Variants in NATD1 observed in about 807,000 individuals in gnomAD.
The protein encoded by NATD1 is N-acetyltransferase domain containing 1.
NATD1 carries 9 observed loss-of-function variants against 12.0 expected under a neutral mutation model. That is an observed-to-expected ratio of 0.75 (90% CI 0.45 to 1.30). The LOEUF (loss-of-function observed/expected upper bound fraction) is 1.30, where lower values mean the gene tolerates loss of function less well. NATD1 is among the 50% of genes most tolerant of loss of function. The pLI is 0.00. For missense variants in NATD1, 148 were observed against 148.5 expected (o/e 1.00, Z 0.02); for synonymous variants, 71 against 65.9 (o/e 1.08, Z -0.37).
At position 21,253,272 on chromosome 17, in the gene NATD1, C is replaced by T. The variant is rs1975397067; in HGVS notation, c.-8G>A. The stretch of plus-strand genomic sequence containing the variant: ...GGCAGCCGAGTGCGCCATCTGCGCG[C>T]GGGGCTGCGGCGCGGCGCCGGCGGG... On this transcript the variant is annotated 5_prime_UTR_variant, in exon 1 of 3. Transcript: ENST00000611551. The T allele has an allele frequency of 2.0e-6, 2 of 987,296 alleles. No individual in the cohort carries two copies. The highest frequency in any genetic ancestry group is 2.4e-6 in the Non-Finnish European group (2 of 831,860). The allele number at this position is 987,296 out of a possible 1,614,324, so 61.2% of individuals were successfully genotyped here.
Position 21,244,267 on chromosome 17 carries a change from C to T in NATD1, c.107-43G>A, listed in dbSNP as rs1975306578. 1 of 1,549,300 alleles carries T rather than the reference C, an allele frequency of 6.5e-7. No homozygotes were observed. ...AGGTAAGCCTATGCTGACTCCCATC[C>T]CAGCGGACTCAGGCACCAAGACGGG... is the stretch of plus-strand genomic sequence containing the variant. On this transcript the variant is annotated intron_variant, in intron 1 of 2. Transcript: ENST00000611551. The surrounding 1 kb of genome is among the most constrained non-coding windows in gnomAD (Gnocchi z 5.2).
intron 2 of NATD1, among the ~76,000 whole-genome samples, chr17:21,243,764 C>G (rs537873930): frequency 6.6e-6 from 1 of 152,140 alleles, no homozygotes; most frequent in Non-Finnish European, 1.5e-5. Context: ...AGGGGAGTGA[C>G]GGTCATTCTT....
chr17:21,253,048 G>T, intron 1 of NATD1, 111 bp downstream of exon 1: 2 of 471,970 alleles, frequency 4.2e-6, no homozygotes, highest in Non-Finnish European at 5.5e-6. Context: ...CGGGCGGCGG[G>T]CCGGAGCCGG....
At chr17:21,248,755 G>C (rs116147884) in intron 1 of NATD1, among the ~76,000 whole-genome samples, 2,163 of 152,248 alleles carry the variant, frequency 0.014, 55 homozygotes, top group African/African-American at 0.049. Flanking sequence ...ACTAGCACAG[G>C]GGGGCAAGAC....
chr17:21,248,937 C>A (rs1975351480), intron 1 of NATD1, among the ~76,000 whole-genome samples: 1 of 152,130 alleles, frequency 6.6e-6, no homozygotes, highest in African/African-American at 2.4e-5. Context: ...GAGAACCCCA[C>A]CAGCATCACG....
rs1298984959 is a variant in NATD1, at chr17:21,240,748, C to G, written c.*2565G>C. 1 of 152,494 alleles carries G rather than the reference C, an allele frequency of 6.6e-6. No homozygotes were observed. The highest frequency in any genetic ancestry group is 2.4e-5 in the African/African-American group (1 of 41,162). The allele number at this position is 152,494 out of a possible 1,614,324, so 9.4% of individuals were successfully genotyped here. ...CGGCCCCATGTGGCGGCATCCTTAC[C>G]AAGGACCCCCAGGTGACCGGACAGG... On this transcript the variant is annotated 3_prime_UTR_variant, in exon 3 of 3. Coordinates refer to ENST00000611551, the MANE Select transcript of NATD1 (RefSeq NM_152914.3).
At chr17:21,252,867 G>A (rs1166320210) in intron 1 of NATD1, among the ~76,000 whole-genome samples, 3 of 151,916 alleles carry the variant, frequency 2.0e-5, no homozygotes, top group Admixed American at 6.5e-5. Flanking sequence ...CTTTCCAGGG[G>A]CCCCTGTCCG....
In NATD1 at chr17:21,241,663, G is replaced by A. The variant is rs972754067; in HGVS notation, c.*1650C>T. The A allele has an allele frequency of 2.0e-5, 3 of 152,384 alleles. No individual in the cohort carries two copies. Among genetic ancestry groups the A allele is most frequent in the African/African-American group, 7.2e-5 (3 of 41,422 alleles). 9.4% of individuals were successfully genotyped at this position (152,384 alleles called of 1,614,324 possible). A position where few individuals can be genotyped will look rare whatever the true frequency, so the allele number is the denominator to read the frequency against. On this transcript the variant is annotated 3_prime_UTR_variant, in exon 3 of 3. Transcript: ENST00000611551. The stretch of plus-strand genomic sequence containing the variant: ...CACAGGTCAAGGGGCAGGGATGTCG[G>A]GGGTACTCAGGATGGTGACCCCTCC...
rs1975397573 is a variant in NATD1 at position 21,253,303 on chromosome 17, G to A, written c.-39C>T. The A allele has an allele frequency of 1.1e-6, 1 of 897,450 alleles. No homozygotes were observed. Among genetic ancestry groups the A allele is most frequent in the African/African-American group, 1.8e-5 (1 of 54,976 alleles). 55.6% of individuals were successfully genotyped at this position (897,450 alleles called of 1,614,324 possible). ...TGCGGCGCGGCGCCGGCGGGGGCCG[G>A]GGCGCGCGGGGAAAGGTCAGGCGCG... On this transcript the variant is annotated 5_prime_UTR_variant, in exon 1 of 3. Coordinates refer to ENST00000611551, the MANE Select transcript of NATD1 (RefSeq NM_152914.3).
rs528118268 is a variant in NATD1, at chr17:21,242,201, C to A, written c.*1112G>T. ...GGACCTGAGTCAGCCCCAGGGGAAG[C>A]CAGCATGCCCTGGAAAGGCTGGTCC... On this transcript the variant is annotated 3_prime_UTR_variant, in exon 3 of 3. Coordinates refer to ENST00000611551, the MANE Select transcript of NATD1 (RefSeq NM_152914.3). The A allele has an allele frequency of 2.0e-4, 31 of 152,438 alleles. No individual in the cohort carries two copies. Among genetic ancestry groups the A allele is most frequent in the African/African-American group, 7.2e-4 (30 of 41,578 alleles). 9.4% of individuals were successfully genotyped at this position (152,438 alleles called of 1,614,324 possible). A position where few individuals can be genotyped will look rare whatever the true frequency, so the allele number is the denominator to read the frequency against.
intron 1 of NATD1, among the ~76,000 whole-genome samples, chr17:21,246,062 C>A (rs1411024997): frequency 3.9e-5 from 6 of 152,318 alleles, no homozygotes; most frequent in African/African-American, 1.4e-4. Context: ...AGCTGCCTAC[C>A]TAGCCTGGCC....
chr17:21,247,131 T>C (rs532755937), intron 1 of NATD1, among the ~76,000 whole-genome samples: 2 of 152,350 alleles, frequency 1.3e-5, no homozygotes, highest in East Asian at 3.9e-4. Context: ...GGGCCATGGA[T>C]GGACCTGACC....
intron 1 of NATD1, among the ~76,000 whole-genome samples, chr17:21,250,041 G>A (rs1267016016): frequency 6.6e-6 from 1 of 152,198 alleles, no homozygotes; most frequent in Non-Finnish European, 1.5e-5. Flanking sequence ...CCACCTCCCT[G>A]CTCTGTCCTG....
intron 1 of NATD1, among the ~76,000 whole-genome samples, chr17:21,252,759 A>G (rs1378017854): frequency 1.3e-5 from 2 of 151,866 alleles, no homozygotes; most frequent in Admixed American, 6.6e-5. Context: ...AGGAGCCTTC[A>G]GTGGGTGCCC....
intron 1 of NATD1, among the ~76,000 whole-genome samples, chr17:21,252,223 T>C (rs976833193): frequency 6.6e-6 from 1 of 152,088 alleles, no homozygotes; most frequent in Non-Finnish European, 1.5e-5. Flanking sequence ...GAGAATCACT[T>C]GAACCCAGGA....
At chr17:21,251,982 G>A (rs185939797) in intron 1 of NATD1, among the ~76,000 whole-genome samples, 66 of 152,298 alleles carry the variant, frequency 4.3e-4, no homozygotes, top group Admixed American at 3.8e-3. Flanking sequence ...TTTCCTACCT[G>A]TGGGACCTCC....
chr17:21,248,802 G>C (rs1373629717), intron 1 of NATD1, among the ~76,000 whole-genome samples: 1 of 152,208 alleles, frequency 6.6e-6, no homozygotes, highest in Admixed American at 6.5e-5. Context: ...GCCTAGGGCA[G>C]GGCAGGGCCC....
rs1975265564 is a variant in NATD1, at chr17:21,240,940, A to T, written c.*2373T>A. The T allele has an allele frequency of 6.5e-6, 1 of 152,762 alleles. No individual in the cohort carries two copies. Among genetic ancestry groups the T allele is most frequent in the Non-Finnish European group, 1.5e-5 (1 of 68,144 alleles). 9.5% of individuals were successfully genotyped at this position (152,762 alleles called of 1,614,324 possible). ...CCTGCCTAGCCCCTTGGCGTGGGTT[A>T]GCGGTGCTTTAAGGCAGCCCGAGGC... is the stretch of plus-strand genomic sequence containing the variant. On this transcript the variant is annotated 3_prime_UTR_variant, in exon 3 of 3. Coordinates refer to ENST00000611551, the MANE Select transcript of NATD1 (RefSeq NM_152914.3).
At position 21,243,382 on chromosome 17, in the gene NATD1, G is replaced by C. The variant is rs1365709390; in HGVS notation, c.273C>G (p.Thr91=). ...VVEEDLKAHL[T]CWYIQKYVKE... ...TGACGTACTTCTGGATGTACCAGCAGGTGAGATGGGCCTTCAGGTCCTCCT... is the reference window on the plus strand; with the variant it reads ...TGACGTACTTCTGGATGTACCAGCACGTGAGATGGGCCTTCAGGTCCTCCT... Residue 91 remains threonine, a synonymous_variant, in exon 3 of 3, where the codon ACC becomes ACG. Transcript: ENST00000611551. The C allele has an allele frequency of 1.9e-6, 3 of 1,613,572 alleles. No individual in the cohort carries two copies. The East Asian group carries it at 6.7e-5, about 36-fold the overall frequency.
Sources: gnomAD v4.1 joint callset for allele counts (sites outside exome capture counted in the v4.1 genomes callset) on GRCh38, gnomAD v4.1.1 for gene constraint, Gnocchi (gnomAD v3.1) non-coding constraint, MANE v1.5 for transcripts, NCBI Gene and HGNC (gene_info 2026-07-23, HGNC 2026-07-21) for gene names.